The following NCKAP5 variants were observed in gnomAD, a reference collection of about 807,000 sequenced individuals.
NCKAP5 encodes NCK associated protein 5.
NCKAP5 carries 92 observed loss-of-function variants against 167.0 expected under a neutral mutation model. That is an observed-to-expected ratio of 0.55 (90% CI 0.47 to 0.66). The LOEUF (loss-of-function observed/expected upper bound fraction) is 0.66, where lower values mean the gene tolerates loss of function less well. Ranked by LOEUF, NCKAP5 falls within the 30% of genes least tolerant of loss-of-function variation. The pLI is 0.00. For synonymous variants in NCKAP5, 891 were observed against 877.4 expected, an observed-to-expected ratio of 1.02 and a Z score of -0.27; for missense variants, 2,378 against 2,315.0, an observed-to-expected ratio of 1.03 and a Z score of -0.56.
At chr2:133,289,303 T>C (rs1679389250) in intron 4 of NCKAP5, among the ~76,000 whole-genome samples, 1 of 152,222 alleles carries the variant, frequency 6.6e-6, no homozygotes, top group South Asian at 2.1e-4. Context: ...CTGTTGGTTC[T>C]TCCCTTTTTC....
At chr2:132,999,790 T>C (rs984469422) in intron 6 of NCKAP5, among the ~76,000 whole-genome samples, 1 of 152,158 alleles carries the variant, frequency 6.6e-6, no homozygotes, top group African/African-American at 2.4e-5. Flanking sequence ...AATGACACTC[T>C]AGGGACTGAT....
intron 3 of NCKAP5, among the ~76,000 whole-genome samples, chr2:133,374,218 A>G (rs574054066): frequency 3.3e-5 from 5 of 152,328 alleles, no homozygotes; most frequent in South Asian, 4.1e-4. Flanking sequence ...ACATAGAGGA[A>G]CCTTAAATGC....
intron 6 of NCKAP5, among the ~76,000 whole-genome samples, chr2:133,105,259 T>G (rs569361802): frequency 6.6e-6 from 1 of 152,376 alleles, no homozygotes; most frequent in East Asian, 1.9e-4. Context: ...TTTTTAACAT[T>G]CAACCACTGA....
At chr2:132,777,962 T>A (rs751867259) in intron 15 of NCKAP5, among the ~76,000 whole-genome samples, 1 of 152,120 alleles carries the variant, frequency 6.6e-6, no homozygotes, top group Non-Finnish European at 1.5e-5. Context: ...AGGTATATGA[T>A]CTCATTAATT....
intron 3 of NCKAP5, among the ~76,000 whole-genome samples, chr2:133,345,922 G>A (rs754526382): frequency 1.3e-5 from 2 of 152,156 alleles, no homozygotes; most frequent in Non-Finnish European, 2.9e-5. Context: ...AGAACCAGGA[G>A]TCAAAGTCTT....
chr2:132,767,393 T>G (rs911065367), intron 16 of NCKAP5, among the ~76,000 whole-genome samples: 10 of 152,126 alleles, frequency 6.6e-5, no homozygotes, highest in Non-Finnish European at 1.3e-4. Context: ...ATTACAGGCA[T>G]GCACCACCAC....
At chr2:132,678,479 A>G (rs1684787132) in intron 19 of NCKAP5, among the ~76,000 whole-genome samples, 1 of 152,174 alleles carries the variant, frequency 6.6e-6, no homozygotes, top group Non-Finnish European at 1.5e-5. Flanking sequence ...GCACAAGTTA[A>G]TGCAAACAGG....
At chr2:133,209,556 CA>C (rs1196964292) in intron 5 of NCKAP5, among the ~76,000 whole-genome samples, 1 of 151,684 alleles carries the variant, frequency 6.6e-6, no homozygotes, top group Non-Finnish European at 1.5e-5. Flanking sequence ...GTCTCACTTT[CA>C]AGCTCGCATT....
chr2:132,854,004 A>T (rs1215480182), intron 11 of NCKAP5, among the ~76,000 whole-genome samples: 1 of 152,190 alleles, frequency 6.6e-6, no homozygotes, highest in Non-Finnish European at 1.5e-5. Context: ...CCTCTGTTAC[A>T]AGCATTTCCA....
chr2:133,175,101 A>G (rs2084401556), intron 5 of NCKAP5, among the ~76,000 whole-genome samples: 1 of 151,994 alleles, frequency 6.6e-6, no homozygotes, highest in African/African-American at 2.4e-5. Context: ...TTTTAAATTT[A>G]CAGTTCTCTA....
At chr2:132,704,525 C>T (rs1188843795) in intron 19 of NCKAP5, among the ~76,000 whole-genome samples, 1 of 152,208 alleles carries the variant, frequency 6.6e-6, no homozygotes, top group East Asian at 1.9e-4. Context: ...AACAGCAACT[C>T]CAAGTCCTCA....
chr2:133,497,733 TG>T (rs1425664563), intron 3 of NCKAP5, among the ~76,000 whole-genome samples: 1 of 152,226 alleles, frequency 6.6e-6, no homozygotes, highest in Non-Finnish European at 1.5e-5. Context: ...TAGGTTTGTT[TG>T]TTCCTTGGGC....
chr2:132,869,070 C>A, intron 9 of NCKAP5, 96 bp from the exon 10 acceptor site: 1 of 783,630 alleles, frequency 1.3e-6, no homozygotes, highest in Non-Finnish European at 2.0e-6. Flanking sequence ...CTTATTGTAG[C>A]TAATTAGCTC....
At chr2:132,951,753 A>G (rs2076195464) in intron 8 of NCKAP5, among the ~76,000 whole-genome samples, 1 of 152,140 alleles carries the variant, frequency 6.6e-6, no homozygotes, top group African/African-American at 2.4e-5. Context: ...TTTTTCCCCC[A>G]AGGCTATGTA....
chr2:133,138,277 A>T (rs2082871675), intron 5 of NCKAP5, among the ~76,000 whole-genome samples: 1 of 152,316 alleles, frequency 6.6e-6, no homozygotes, highest in African/African-American at 2.4e-5. Context: ...ATTGATATGC[A>T]CTATAAAGTC....
intron 5 of NCKAP5, among the ~76,000 whole-genome samples, chr2:133,143,969 G>A (rs534789164): frequency 2.0e-5 from 3 of 152,146 alleles, no homozygotes; most frequent in South Asian, 2.1e-4. Flanking sequence ...AACTTTCATC[G>A]CAACCAGCAA....
At chr2:133,340,911 T>C (rs1232562072) in intron 3 of NCKAP5, among the ~76,000 whole-genome samples, 1 of 152,242 alleles carries the variant, frequency 6.6e-6, no homozygotes, top group Admixed American at 6.5e-5. Context: ...TCAGAAGTTA[T>C]ATTGTTTCCA....
At position 132,962,407 on chromosome 2, in the gene NCKAP5, C is replaced by G. The variant is rs976855877; in HGVS notation, c.579+1313G>C. ...GATGGTTTCAAATCTAGAAAGTAGT[C>G]GAACAGGGATTCAAATCAAACCCCA... On this transcript the variant is annotated intron_variant, in intron 8 of 19. Coordinates refer to ENST00000409261, the MANE Select transcript of NCKAP5 (RefSeq NM_207363.3). Among the ~76,000 whole-genome samples the G allele has an allele frequency of 2.0e-5, 3 of 151,904 alleles. No homozygotes were observed. The South Asian group carries it at 6.2e-4, about 32-fold the overall frequency.
chr2:132,844,911 G>A (rs1180274382), intron 11 of NCKAP5, among the ~76,000 whole-genome samples: 1 of 152,100 alleles, frequency 6.6e-6, no homozygotes, highest in East Asian at 1.9e-4. Flanking sequence ...TTCAACATTT[G>A]TGTATGAGAT....
Sources: gnomAD v4.1 joint callset for allele counts (sites outside exome capture counted in the v4.1 genomes callset) on GRCh38, gnomAD v4.1.1 for gene constraint, MANE v1.5 for transcripts, NCBI Gene and HGNC (gene_info 2026-07-23, HGNC 2026-07-21) for gene names.